NME9: variants seen among roughly 807,000 people sequenced by gnomAD.
NME9 encodes the protein thioredoxin domain-containing protein 6.
NME9 carries 48 observed loss-of-function variants against 44.4 expected under a neutral mutation model. The observed-to-expected ratio is 1.08, with a 90% CI of 0.86 to 1.37. The LOEUF (loss-of-function observed/expected upper bound fraction) is 1.37, where lower values mean the gene tolerates loss of function less well. NME9 is among the 40% of genes most tolerant of loss of function. The pLI, the probability that NME9 is intolerant of heterozygous loss-of-function variation, is 0.00. For missense variants in NME9, 325 were observed against 405.2 expected, an observed-to-expected ratio of 0.80 and a Z score of 1.70; for synonymous variants, 139 against 147.1, an observed-to-expected ratio of 0.94 and a Z score of 0.40.
Position 138,301,214 on chromosome 3 carries a change from A to C in NME9, c.*426T>G. 1.4e-6 allele frequency: 1 copy of C among 721,242 alleles called. No homozygotes were observed. The allele number at this position is 721,242 out of a possible 1,614,324, so 44.7% of individuals were successfully genotyped here. ...CTCTTTCTTTACTTTTTTTTTTATTATTATTATTAAGATGGAGTCTCACTC... is the reference window on the plus strand; with the variant it reads ...CTCTTTCTTTACTTTTTTTTTTATTCTTATTATTAAGATGGAGTCTCACTC... On this transcript the variant is annotated 3_prime_UTR_variant, in exon 11 of 11. Transcript: ENST00000333911.
downstream of NME9, chr3:138,296,734 A>G (rs573262706): frequency 1.3e-5 from 2 of 152,326 alleles, no homozygotes; most frequent in East Asian, 3.9e-4. Flanking sequence ...GAGGCAACAG[A>G]TTCACCATAG....
exon 9 of NME9, chr3:138,262,585 A>G (rs751599518): frequency 3.8e-6 from 6 of 1,592,894 alleles, no homozygotes; most frequent in Middle Eastern, 3.4e-4. Context: ...TACTGGACTC[A>G]CCTGAGGAGA....
At chr3:138,293,315 G>A (rs2051159657) in intron 8 of NME9, among the ~76,000 whole-genome samples, 1 of 152,212 alleles carries the variant, frequency 6.6e-6, no homozygotes, top group Admixed American at 6.5e-5. Flanking sequence ...GCCGAGGTAA[G>A]CGGATTATGA....
At chr3:138,322,500 G>C (rs2053534795) in intron 2 of NME9, among the ~76,000 whole-genome samples, 1 of 151,582 alleles carries the variant, frequency 6.6e-6, no homozygotes, top group South Asian at 2.1e-4. Context: ...GTGTGTGTGT[G>C]TGTGTGTGTG....
At chr3:138,261,698 G>C (rs2047760814) in exon 9 of NME9, 1 of 152,174 alleles carries the variant, frequency 6.6e-6, no homozygotes, top group African/African-American at 2.4e-5. Context: ...TTTTAAACAG[G>C]ATTGAAAATG....
At chr3:138,278,680 C>T (rs1447373068) in intron 8 of NME9, among the ~76,000 whole-genome samples, 1 of 152,074 alleles carries the variant, frequency 6.6e-6, no homozygotes, top group African/African-American at 2.4e-5. Flanking sequence ...ATTGAGTCTT[C>T]CAATTCATGA....
intron 8 of NME9, among the ~76,000 whole-genome samples, chr3:138,287,004 A>G (rs77371530): frequency 7.9e-5 from 12 of 152,090 alleles, no homozygotes; most frequent in East Asian, 3.9e-4. Context: ...CTTGAATCCA[A>G]TTACTCCTTT....
rs2051835669 is a variant in NME9 at position 138,301,387 on chromosome 3, T to C, written c.*253A>G. On this transcript the variant is annotated 3_prime_UTR_variant, in exon 11 of 11. Coordinates refer to ENST00000333911, the MANE Select transcript of NME9 (RefSeq NM_001349018.2). ...CCCGGCTAATTTTTTGTATTTTTAG[T>C]AGAGACAGGGTTTCACCATGTTGGC... The C allele has an allele frequency of 5.1e-6, 3 of 593,278 alleles. No homozygotes were observed. In the South Asian group the frequency reaches 8.1e-5, roughly 16 times the overall value. The allele number at this position is 593,278 out of a possible 1,614,324, so 36.8% of individuals were successfully genotyped here. A position where few individuals can be genotyped will look rare whatever the true frequency, so the allele number is the denominator to read the frequency against.
chr3:138,301,783 G>A (rs565553227), intron 10 of NME9, 79 bp from the exon 11 acceptor site: 1 of 1,170,700 alleles, frequency 8.5e-7, no homozygotes, highest in Admixed American at 2.0e-5. Context: ...CATCCACAAA[G>A]AAATAGGAAG....
chr3:138,311,060 A>G (rs916955712), intron 6 of NME9, among the ~76,000 whole-genome samples: 19 of 152,202 alleles, frequency 1.2e-4, no homozygotes, highest in African/African-American at 4.6e-4. Flanking sequence ...AAATGGAGAC[A>G]TAACAACTGG....
At chr3:138,281,771 C>T (rs1433981548) in intron 8 of NME9, among the ~76,000 whole-genome samples, 1 of 152,128 alleles carries the variant, frequency 6.6e-6, no homozygotes, top group Admixed American at 6.5e-5. Flanking sequence ...CTGGTCTATT[C>T]TGAGGGATCT....
At chr3:138,306,786 A>T (rs887414125) in intron 6 of NME9, among the ~76,000 whole-genome samples, 2 of 152,184 alleles carry the variant, frequency 1.3e-5, no homozygotes, top group Non-Finnish European at 2.9e-5. Context: ...GGGAGAAGGG[A>T]TTGCTCAAAG....
At chr3:138,308,300 A>G (rs2108438085) in intron 6 of NME9, among the ~76,000 whole-genome samples, 1 of 152,344 alleles carries the variant, frequency 6.6e-6, no homozygotes, top group East Asian at 1.9e-4. Context: ...ATTTCAAGCA[A>G]TAATTTAAAA....
At chr3:138,276,101 A>G (rs1186836163) in intron 8 of NME9, among the ~76,000 whole-genome samples, 1 of 152,220 alleles carries the variant, frequency 6.6e-6, no homozygotes, top group East Asian at 1.9e-4. Flanking sequence ...AATGAGGGCA[A>G]AATGAAAGAC....
At chr3:138,311,407 G>T (rs2052694547) in intron 6 of NME9, among the ~76,000 whole-genome samples, 1 of 152,100 alleles carries the variant, frequency 6.6e-6, no homozygotes, top group African/African-American at 2.4e-5. Context: ...GGCCAGAATT[G>T]CCCTGATAGC....
chr3:138,314,408 C>A lies in NME9; in HGVS notation c.385-1G>T, dbSNP rs1481832072. ...CATCAGAAAGAGCCTCATCTTTAAT[C>A]TAGTACAAATTGGTCATTAAAAGAA... On this transcript the variant is annotated splice_acceptor_variant, in intron 5 of 10. Coordinates refer to ENST00000333911, the MANE Select transcript of NME9 (RefSeq NM_001349018.2). LOFTEE classifies it high-confidence loss of function. The A allele has an allele frequency of 6.3e-6, 10 of 1,594,336 alleles. No individual in the cohort carries two copies. Among genetic ancestry groups the A allele is most frequent in the Middle Eastern group, 1.7e-4 (1 of 6,026 alleles).
At chr3:138,286,829 C>G (rs2050472123) in intron 8 of NME9, among the ~76,000 whole-genome samples, 1 of 152,170 alleles carries the variant, frequency 6.6e-6, no homozygotes, top group African/African-American at 2.4e-5. Context: ...GTTTCCCAGC[C>G]TAGACCTCTC....
intron 8 of NME9, among the ~76,000 whole-genome samples, chr3:138,272,269 G>C (rs555599727): frequency 1.3e-5 from 2 of 152,078 alleles, no homozygotes; most frequent in African/African-American, 4.8e-5. Flanking sequence ...ATTTTCTTCC[G>C]TGAGTACTTT....
downstream of NME9, chr3:138,296,127 C>T (rs1477558416): frequency 2.1e-6 from 1 of 466,786 alleles, no homozygotes; most frequent in Non-Finnish European, 3.8e-6. Context: ...CTGAGCTACT[C>T]GGACTCTTTA....
Sources: allele counts gnomAD v4.1 joint callset (sites outside exome capture counted in the v4.1 genomes callset), GRCh38; gene constraint gnomAD v4.1.1; transcripts MANE v1.5; gene names NCBI Gene and HGNC (gene_info 2026-07-23, HGNC 2026-07-21).